The following DGKD variants were observed in gnomAD, a reference collection of about 807,000 sequenced individuals.
DGKD encodes DAG kinase delta.
DGKD carries 68 observed loss-of-function variants against 154.4 expected under a neutral mutation model. That is an observed-to-expected ratio of 0.44 (90% CI 0.36 to 0.54). The LOEUF (loss-of-function observed/expected upper bound fraction) is 0.54. Among genes scored for constraint, DGKD ranks in the 20% least tolerant of loss-of-function variants. The pLI is 0.00. For synonymous variants in DGKD, 693 were observed against 638.0 expected (o/e 1.09, Z -1.30); for missense variants, 1,343 against 1,593.6 (o/e 0.84, Z 2.68).
rs1036814205 is a variant in DGKD at position 233,470,471 on chromosome 2, CGCCTGCT to C, written c.*1014_*1020del. ...GTCTGCCCCTGCAGTGGCTTCTTGT[CGCCTGCT>C]GCTGGGCGTGATGTCGCTGGAGGTG... On this transcript the variant is annotated 3_prime_UTR_variant, in exon 30 of 30. Coordinates refer to ENST00000264057, the MANE Select transcript of DGKD (RefSeq NM_152879.3). 1 of 152,796 alleles carries C rather than the reference CGCCTGCT, an allele frequency of 6.5e-6. No individual in the cohort carries two copies. The highest frequency in any genetic ancestry group is 1.5e-5 in the Non-Finnish European group (1 of 68,468). 9.5% of individuals were successfully genotyped at this position (152,796 alleles called of 1,614,324 possible).
rs80051853 is a variant in DGKD at position 233,454,531 on chromosome 2, C to G, written c.2265-232C>G. On this transcript the variant is annotated intron_variant, in intron 18 of 29. Transcript: ENST00000264057. ...TTTCTCTTTAGGGGGATGAAATGCT[C>G]TAAAATCGATTATCTAGTGATGGTT... The G allele has an allele frequency of 8.7e-3, 4,509 of 517,890 alleles. 48 individuals carry two copies. Among genetic ancestry groups the G allele is most frequent in the East Asian group, 0.024 (560 of 22,964 alleles). The allele number at this position is 517,890 out of a possible 1,614,324, so 32.1% of individuals were successfully genotyped here.
In DGKD at chr2:233,469,287, A is replaced by G. The variant is rs2063927545; in HGVS notation, c.3556-84A>G. 3.4e-6 allele frequency: 4 copies of G among 1,190,402 alleles called. No individual in the cohort carries two copies. The African/African-American group carries it at 6.0e-5, about 18-fold the overall frequency. 73.7% of individuals were successfully genotyped at this position (1,190,402 alleles called of 1,614,324 possible). On this transcript the variant is annotated intron_variant, in intron 29 of 29. Transcript: ENST00000264057. Reference sequence around the variant, plus strand: ...ATTTGTGTTCACAAGCCGAATGGGAAGGGCCGTTGTGGCAGGCCTGCTGTG... The same window carrying G: ...ATTTGTGTTCACAAGCCGAATGGGAGGGGCCGTTGTGGCAGGCCTGCTGTG...
Position 233,459,828 on chromosome 2 carries a change from C to A in DGKD, c.2766C>A (p.Val922=). 1 of 1,614,096 alleles carries A rather than the reference C, an allele frequency of 6.2e-7. No individual in the cohort carries two copies. Among genetic ancestry groups the A allele is most frequent in the Non-Finnish European group, 8.5e-7 (1 of 1,180,012 alleles). ...TGCAGGTGGACGGAGAGGCCTGGGT[C>A]CAGCCGCCAGGGTACATTCGGATTG... ...VPVQVDGEAW[V]QPPGYIRIVH... Residue 922 remains valine, a synonymous_variant, in exon 23 of 30, where the codon GTC becomes GTA. Coordinates refer to ENST00000264057, the MANE Select transcript of DGKD (RefSeq NM_152879.3). This position sits in a 1 kb window ranked among gnomAD's most constrained non-coding sequence, Gnocchi z 5.7.
rs915360516 is a variant in DGKD, at chr2:233,470,662, C to G, written c.*1202C>G. The G allele has an allele frequency of 6.6e-6, 1 of 152,216 alleles. No homozygotes were observed. 9.4% of individuals were successfully genotyped at this position (152,216 alleles called of 1,614,324 possible). On this transcript the variant is annotated 3_prime_UTR_variant, in exon 30 of 30. Coordinates refer to ENST00000264057, the MANE Select transcript of DGKD (RefSeq NM_152879.3). Reference sequence around the variant, plus strand: ...CCAGGTGAAGGATGCCCCTGGTCCTCCAGGGCACTGACTTTGCCCTTTTTT... The same window carrying G: ...CCAGGTGAAGGATGCCCCTGGTCCTGCAGGGCACTGACTTTGCCCTTTTTT...
chr2:233,371,926 T>A (rs879421549), intron 1 of DGKD, among the ~76,000 whole-genome samples: 3 of 152,272 alleles, frequency 2.0e-5, no homozygotes, highest in South Asian at 2.1e-4. Flanking sequence ...ATCATTCTTA[T>A]GTATGGTTAT....
rs543546850 is a variant in DGKD, at chr2:233,435,594, C to G, written c.587-224C>G. ...CTGCAGAGTCTCCACTGCTCACTCT[C>G]TGGCCTGTTACAGAAAGCTTACTGA... On this transcript the variant is annotated intron_variant, in intron 5 of 29. Coordinates refer to ENST00000264057, the MANE Select transcript of DGKD (RefSeq NM_152879.3). Among the ~76,000 whole-genome samples, 3 of 152,356 alleles carry G rather than the reference C, an allele frequency of 2.0e-5. No homozygotes were observed. In the East Asian group the frequency reaches 5.8e-4, roughly 29 times the overall value.
chr2:233,435,967 C>T, intron 6 of DGKD, 43 bp downstream of exon 6: 1 of 1,551,832 alleles, frequency 6.4e-7, no homozygotes, highest in Non-Finnish European at 8.7e-7. Context: ...AGCCAGGGTC[C>T]CCCACCTGCA....
chr2:233,388,178 C>T (rs1447157978), intron 1 of DGKD, 79 bp from the exon 2 acceptor site: 1 of 1,572,486 alleles, frequency 6.4e-7, no homozygotes, highest in Non-Finnish European at 8.6e-7. Context: ...GTTTCAGCCG[C>T]AACAGGCTGC....
chr2:233,437,384 C>G lies in DGKD; in HGVS notation c.827C>G (p.Thr276Arg). 6.2e-7 allele frequency: 1 copy of G among 1,614,162 alleles called. No homozygotes were observed. The highest frequency in any genetic ancestry group is 8.5e-7 in the Non-Finnish European group (1 of 1,180,006). The change falls in exon 8 of 30, where the codon ACA becomes AGA. Residue 276 changes from threonine to arginine, a missense_variant. Around this residue, in one of 6 missense-constraint regions of DGKD, gnomAD observed 332 missense variants for 400.1 expected, o/e 0.83. Transcript: ENST00000264057. ...CGGGGACTCTTGTTTCAGGTTCACA[C>G]ATCGTGTAAAGAATCCTTGCTGACC... ...RCLWCKAMVH[T>R]SCKESLLTKC...
chr2:233,441,747 T>G lies in DGKD; in HGVS notation c.1086-140T>G. 8.6e-6 allele frequency: 6 copies of G among 701,052 alleles called. No individual in the cohort carries two copies. The highest frequency in any genetic ancestry group is 1.2e-5 in the Non-Finnish European group (5 of 415,276). The allele number at this position is 701,052 out of a possible 1,614,324, so 43.4% of individuals were successfully genotyped here. On this transcript the variant is annotated intron_variant, in intron 9 of 29. Transcript: ENST00000264057. This position sits in a 1 kb window ranked among gnomAD's most constrained non-coding sequence, Gnocchi z 5.6. ...CTGAGTGGAGGCGGCTGGTGTCACG[T>G]GGCAGGGCCTGTGCGTGCTCTGCCT...
chr2:233,400,920 G>A (rs1034997729), intron 3 of DGKD, among the ~76,000 whole-genome samples: 1 of 151,982 alleles, frequency 6.6e-6, no homozygotes, highest in Non-Finnish European at 1.5e-5. Flanking sequence ...TATGCTACGC[G>A]GTATTTCCAA....
At chr2:233,369,415 TTTTGGTGCTCCCTGTC>T (rs1372314798) in intron 1 of DGKD, among the ~76,000 whole-genome samples, 3 of 152,240 alleles carry the variant, frequency 2.0e-5, no homozygotes, top group African/African-American at 4.8e-5. Context: ...CCTATTCTCA[TTTTGGTGCTCCCTGTC>T]TTTTAAAAAC....
chr2:233,456,853 A>G, intron 19 of DGKD, 46 bp from the exon 20 acceptor site: 2 of 1,464,930 alleles, frequency 1.4e-6, no homozygotes, highest in South Asian at 2.3e-5. Flanking sequence ...GGTTAACTAT[A>G]CGAAGAAAGC....
At chr2:233,395,917 A>T (rs952372083) in intron 3 of DGKD, among the ~76,000 whole-genome samples, 3 of 152,136 alleles carry the variant, frequency 2.0e-5, no homozygotes, top group African/African-American at 7.2e-5. Flanking sequence ...TTTGTGTATT[A>T]CTGAGGGTTT....
rs2062846998 is a variant in DGKD, at chr2:233,440,410, G to A, written c.1086-1477G>A. Among the ~76,000 whole-genome samples, 1 of 152,246 alleles carries A rather than the reference G, an allele frequency of 6.6e-6. No individual in the cohort carries two copies. The highest frequency in any genetic ancestry group is 2.4e-5 in the African/African-American group (1 of 41,460). ...AGGGTGCGCAGGTGAGCCAGGCGGG[G>A]AGTGCAGATGCAGGGAATGGGTAGG... On this transcript the variant is annotated intron_variant, in intron 9 of 29. Transcript: ENST00000264057. This position sits in a 1 kb window ranked among gnomAD's most constrained non-coding sequence, Gnocchi z 4.9.
At chr2:233,444,448 G>GCTTCTCTGCCTGTCTGCCTC (rs1277568673) in intron 10 of DGKD, among the ~76,000 whole-genome samples, 1 of 151,680 alleles carries the variant, frequency 6.6e-6, no homozygotes, top group African/African-American at 2.4e-5. Context: ...CCTCCTGCTT[G>GCTTCTCTGCCTGTCTGCCTC]CTTCTCTGCC....
chr2:233,468,250 T>C (rs181274836), intron 28 of DGKD, among the ~76,000 whole-genome samples, 173 bp from the exon 29 acceptor site: 1 of 131,378 alleles, frequency 7.6e-6, no homozygotes, highest in African/African-American at 3.4e-5. Context: ...CTATCTCGGG[T>C]GCCGGCTGCT....
chr2:233,429,288 G>C (rs1280891320), intron 3 of DGKD: 1 of 985,148 alleles, frequency 1.0e-6, no homozygotes, highest in African/African-American at 1.7e-5. Context: ...TAATCCCCGA[G>C]TTATGCACAG....
chr2:233,436,040 G>A (rs1452196361), intron 6 of DGKD, 116 bp downstream of exon 6: 2 of 1,146,092 alleles, frequency 1.7e-6, no homozygotes, highest in Non-Finnish European at 2.5e-6. Context: ...TGGTCACACT[G>A]GCATTGGGTG....
Sources: gnomAD v4.1 joint callset for allele counts (sites outside exome capture counted in the v4.1 genomes callset) on GRCh38, gnomAD v4.1.1 for gene constraint, gnomAD v4.1.1 regional missense constraint, Gnocchi (gnomAD v3.1) non-coding constraint, MANE v1.5 for transcripts, NCBI Gene and HGNC (gene_info 2026-07-23, HGNC 2026-07-21) for gene names.